The following PRKCH variants were observed in gnomAD, a reference collection of about 807,000 sequenced individuals.
The protein encoded by PRKCH is protein kinase C eta type.
Under a neutral mutation model 82.5 loss-of-function variants are expected in PRKCH, and 28 were observed. The ratio of observed to expected loss-of-function variants is 0.34; its 90% confidence interval spans 0.25 to 0.47. The LOEUF is 0.47. PRKCH is among the 20% of genes least tolerant of loss of function. PRKCH has a pLI of 1.00. For missense variants in PRKCH, 705 were observed against 881.8 expected (o/e 0.80, Z 2.54); for synonymous variants, 322 against 327.4 (o/e 0.98, Z 0.18).
At chr14:61,388,389 C>T (rs1248017699) in intron 1 of PRKCH, among the ~76,000 whole-genome samples, 1 of 152,116 alleles carries the variant, frequency 6.6e-6, no homozygotes, top group African/African-American at 2.4e-5. Flanking sequence ...TGTGAGAGCT[C>T]CTGCTTCTAA....
chr14:61,510,671 C>A (rs979659018), intron 10 of PRKCH, among the ~76,000 whole-genome samples: 2 of 151,994 alleles, frequency 1.3e-5, no homozygotes, highest in Non-Finnish European at 2.9e-5. Context: ...GGGATTTAGA[C>A]TGGGGAGCCA....
In PRKCH at chr14:61,429,907, T is replaced by C. The variant is rs191809681; in HGVS notation, c.428-13204T>C. ...ATAGATGGGATTTTGTAGGTTTTAGTCTCTCTACCCCGCTGTCTTCCAATA... is the reference window on the plus strand; with the variant it reads ...ATAGATGGGATTTTGTAGGTTTTAGCCTCTCTACCCCGCTGTCTTCCAATA... On this transcript the variant is annotated intron_variant, in intron 2 of 13. Transcript: ENST00000332981. Among the ~76,000 whole-genome samples, 3 of 152,334 alleles carry C rather than the reference T, an allele frequency of 2.0e-5. No homozygotes were observed. The East Asian group carries it at 5.8e-4, about 29-fold the overall frequency.
chr14:61,197,710 G>A (rs190775822), intron 1 of PRKCH, among the ~76,000 whole-genome samples: 5 of 152,250 alleles, frequency 3.3e-5, no homozygotes, highest in African/African-American at 9.6e-5. Context: ...ATATTGCCAC[G>A]TTGGGGATTA....
intron 1 of PRKCH, among the ~76,000 whole-genome samples, chr14:61,366,837 T>C (rs1356752053): frequency 1.3e-5 from 2 of 151,996 alleles, no homozygotes; most frequent in Non-Finnish European, 2.9e-5. Flanking sequence ...CTTATTATAA[T>C]GGTAATGAAA....
At chr14:61,353,510 A>G (rs1238949176) in intron 1 of PRKCH, 1 of 152,216 alleles carries the variant, frequency 6.6e-6, no homozygotes, top group African/African-American at 2.4e-5. Flanking sequence ...GGGAAAAACG[A>G]AAAGGAATAT....
intron 1 of PRKCH, among the ~76,000 whole-genome samples, chr14:61,189,431 T>G (rs532188450): frequency 6.6e-6 from 1 of 152,360 alleles, no homozygotes; most frequent in African/African-American, 2.4e-5. Flanking sequence ...TTGTCTCCAG[T>G]GCAGGGCCTT....
chr14:61,255,639 C>T (rs973522893), intron 1 of PRKCH, among the ~76,000 whole-genome samples: 7 of 152,072 alleles, frequency 4.6e-5, no homozygotes, highest in African/African-American at 1.7e-4. Context: ...AAGTACTTGG[C>T]AAACATTAAT....
intron 2 of PRKCH, among the ~76,000 whole-genome samples, chr14:61,405,099 C>A (rs978836331): frequency 6.6e-6 from 1 of 152,164 alleles, no homozygotes; most frequent in African/African-American, 2.4e-5. Flanking sequence ...TTTGCTAATG[C>A]GGAAACCATT....
intron 1 of PRKCH, 157 bp downstream of exon 1, chr14:61,322,621 G>T (rs1439122839): frequency 9.4e-7 from 1 of 1,067,264 alleles, no homozygotes; most frequent in East Asian, 2.6e-5. Flanking sequence ...CACTGGTGAC[G>T]CGACCGCGGT....
chr14:61,227,722 A>T (rs2044708552), intron 1 of PRKCH, among the ~76,000 whole-genome samples: 1 of 152,178 alleles, frequency 6.6e-6, no homozygotes, highest in South Asian at 2.1e-4. Flanking sequence ...GGTTTTTGCC[A>T]TTACTTTTAA....
chr14:61,243,360 G>C (rs1174968508), intron 1 of PRKCH, among the ~76,000 whole-genome samples: 1 of 145,138 alleles, frequency 6.9e-6, no homozygotes, highest in Non-Finnish European at 1.5e-5. Context: ...ATCGAGCCTG[G>C]GCGACAGAGA....
chr14:61,545,523 CAATTGAATCAAAG>C, intron 12 of PRKCH, among the ~76,000 whole-genome samples: 1 of 152,160 alleles, frequency 6.6e-6, no homozygotes, highest in Admixed American at 6.6e-5. Flanking sequence ...AAACCTTTGT[CAATTGAATCAAAG>C]TTTGTTTGTG....
chr14:61,407,531 C>G (rs779158363), intron 2 of PRKCH, among the ~76,000 whole-genome samples: 4 of 152,202 alleles, frequency 2.6e-5, no homozygotes, highest in Admixed American at 6.5e-5. Flanking sequence ...CTGTCCCCTT[C>G]CAGCCCCTCC....
At chr14:61,540,378 G>C (rs1188886095) in intron 12 of PRKCH, among the ~76,000 whole-genome samples, 1 of 152,162 alleles carries the variant, frequency 6.6e-6, no homozygotes, top group African/African-American at 2.4e-5. Flanking sequence ...TCACCTGTCG[G>C]TCCAAGTATC....
At chr14:61,511,161 CT>C (rs1317514127) in intron 10 of PRKCH, among the ~76,000 whole-genome samples, 1 of 152,212 alleles carries the variant, frequency 6.6e-6, no homozygotes, top group Non-Finnish European at 1.5e-5. Context: ...TCCATCAGTT[CT>C]TCCTTTTCAC....
At chr14:61,488,437 CTG>C (rs1281133970) in intron 10 of PRKCH, among the ~76,000 whole-genome samples, 1 of 152,234 alleles carries the variant, frequency 6.6e-6, no homozygotes, top group Non-Finnish European at 1.5e-5. Flanking sequence ...AGTGTCCACA[CTG>C]TTCCGATGAA....
chr14:61,231,880 TCA>T (rs1374334085), intron 1 of PRKCH, among the ~76,000 whole-genome samples: 7 of 152,094 alleles, frequency 4.6e-5, no homozygotes, highest in Admixed American at 4.6e-4. Context: ...CACCACACAG[TCA>T]CACAACACTG....
intron 1 of PRKCH, among the ~76,000 whole-genome samples, chr14:61,290,610 C>A (rs1385345662): frequency 6.6e-6 from 1 of 152,188 alleles, no homozygotes; most frequent in Non-Finnish European, 1.5e-5. Context: ...ATTCTCCTAT[C>A]CTTGGGCTTC....
At chr14:61,527,178 T>C (rs2042977251) in intron 10 of PRKCH, among the ~76,000 whole-genome samples, 1 of 152,184 alleles carries the variant, frequency 6.6e-6, no homozygotes, top group South Asian at 2.1e-4. Flanking sequence ...GAGGACTCTT[T>C]ACCAAACAAT....
Sources: allele counts gnomAD v4.1 joint callset (sites outside exome capture counted in the v4.1 genomes callset), GRCh38; gene constraint gnomAD v4.1.1; transcripts MANE v1.5; gene names NCBI Gene and HGNC (gene_info 2026-07-23, HGNC 2026-07-21).